FOXO3: variants seen among roughly 807,000 people sequenced by gnomAD.
FOXO3 encodes the protein forkhead box protein O3.
Under a neutral mutation model 41.9 loss-of-function variants are expected in FOXO3, and 4 were observed. The ratio of observed to expected loss-of-function variants is 0.10; its 90% CI spans 0.05 to 0.22. The LOEUF (loss-of-function observed/expected upper bound fraction) is 0.22, where lower values mean the gene tolerates loss of function less well. Among genes scored for constraint, FOXO3 ranks in the 10% least tolerant of loss-of-function variants. The pLI, the probability that FOXO3 is intolerant of heterozygous loss-of-function variation, is 1.00. For missense variants in FOXO3, 534 were observed against 906.8 expected (o/e 0.59, Z 5.28); for synonymous variants, 318 against 389.3 (o/e 0.82, Z 2.16).
intron 1 of FOXO3, among the ~76,000 whole-genome samples, chr6:108,660,085 G>A (rs1299571251): frequency 3.3e-5 from 5 of 152,178 alleles, no homozygotes; most frequent in Non-Finnish European, 7.4e-5. Context: ...TGGACAGAGT[G>A]GGAGTACTTA....
intron 1 of FOXO3, among the ~76,000 whole-genome samples, chr6:108,642,678 T>C (rs1381702610): frequency 1.3e-5 from 2 of 152,152 alleles, no homozygotes; most frequent in Non-Finnish European, 2.9e-5. Context: ...GTTCGGCAGC[T>C]CTCATCCAAT....
chr6:108,655,731 G>T (rs947618035), intron 1 of FOXO3, among the ~76,000 whole-genome samples: 1 of 152,142 alleles, frequency 6.6e-6, no homozygotes, highest in East Asian at 1.9e-4. Context: ...CGCCCACCCG[G>T]GCCTGCTCCT....
intron 1 of FOXO3, among the ~76,000 whole-genome samples, chr6:108,625,459 G>A (rs1318426483): frequency 6.6e-6 from 1 of 152,116 alleles, no homozygotes; most frequent in Non-Finnish European, 1.5e-5. Flanking sequence ...ACAGTTAAAG[G>A]TGCATTCACA....
Position 108,663,841 on chromosome 6 carries a change from C to G in FOXO3, c.1008C>G (p.Val336=). 3 of 1,613,852 alleles carry G rather than the reference C, an allele frequency of 1.9e-6. No homozygotes were observed. The highest frequency in any genetic ancestry group is 2.5e-6 in the Non-Finnish European group (3 of 1,179,784). Residue 336 remains valine, a synonymous_variant, in exon 2 of 3, where the codon GTC becomes GTG. Coordinates refer to ENST00000406360, the MANE Select transcript of FOXO3 (RefSeq NM_001455.4). ...TGGCAAGCACAGAGTTGGATGAAGT[C>G]CAGGACGATGATGCGCCTCTCTCGC... The part of the protein sequence containing the change: ...PIMASTELDE[V]QDDDAPLSPM...
At chr6:108,658,908 A>G (rs761531014) in intron 1 of FOXO3, among the ~76,000 whole-genome samples, 2 of 148,170 alleles carry the variant, frequency 1.3e-5, no homozygotes, top group Non-Finnish European at 3.0e-5. Flanking sequence ...TTTTTGAGAT[A>G]GGGCTGTGCT....
intron 2 of FOXO3, among the ~76,000 whole-genome samples, chr6:108,666,575 C>T (rs976894815): frequency 2.0e-5 from 3 of 151,736 alleles, no homozygotes; most frequent in Non-Finnish European, 4.4e-5. Context: ...GATCTCCTGA[C>T]CTTGTGATCC....
chr6:108,613,614 C>T (rs1777420186), intron 1 of FOXO3, among the ~76,000 whole-genome samples: 1 of 151,988 alleles, frequency 6.6e-6, no homozygotes, highest in Non-Finnish European at 1.5e-5. Flanking sequence ...GTCTTAACTC[C>T]CTTTCCCCCT....
chr6:108,637,121 T>C (rs1426132375), intron 1 of FOXO3, among the ~76,000 whole-genome samples: 2 of 152,218 alleles, frequency 1.3e-5, no homozygotes, highest in Non-Finnish European at 2.9e-5. Context: ...TTTCCGCAGC[T>C]GTGAAAGAAA....
chr6:108,664,864 T>G lies in FOXO3; in HGVS notation c.*9T>G. The G allele has an allele frequency of 6.3e-7, 1 of 1,591,168 alleles. No individual in the cohort carries two copies. Among genetic ancestry groups the G allele is most frequent in the South Asian group, 1.2e-5 (1 of 86,660 alleles). ...GCTGGGTGCCAGGCTGAAGGATCACTGAGGAAGGGGAAGTGGGCAAAGCAG... is the reference window on the plus strand; with the variant it reads ...GCTGGGTGCCAGGCTGAAGGATCACGGAGGAAGGGGAAGTGGGCAAAGCAG... On this transcript the variant is annotated 3_prime_UTR_variant, in exon 2 of 3. Coordinates refer to ENST00000406360, the MANE Select transcript of FOXO3 (RefSeq NM_001455.4).
chr6:108,618,429 T>C (rs563235661), intron 1 of FOXO3: 64 of 461,758 alleles, frequency 1.4e-4, no homozygotes, highest in African/African-American at 1.2e-3. Context: ...CTTCATTGAG[T>C]GCTAGATTTT....
At chr6:108,679,073 A>T (rs9320265) in intron 2 of FOXO3, among the ~76,000 whole-genome samples, 1 of 151,026 alleles carries the variant, frequency 6.6e-6, no homozygotes, top group Non-Finnish European at 1.5e-5. Context: ...GGGTTTCACC[A>T]TGTTAGCCAG....
chr6:108,611,033 C>T (rs1158895462), intron 1 of FOXO3, among the ~76,000 whole-genome samples: 2 of 152,142 alleles, frequency 1.3e-5, no homozygotes, highest in Non-Finnish European at 1.5e-5. Context: ...TCTCCCTCCC[C>T]CTACCCACCC....
intron 1 of FOXO3, among the ~76,000 whole-genome samples, chr6:108,638,779 A>G (rs908824478): frequency 3.3e-5 from 5 of 152,174 alleles, no homozygotes; most frequent in South Asian, 2.1e-4. Flanking sequence ...ATAAGACCCA[A>G]CACAACAAGG....
intron 1 of FOXO3, among the ~76,000 whole-genome samples, chr6:108,614,215 G>A (rs1439882447): frequency 6.6e-6 from 1 of 152,036 alleles, no homozygotes; most frequent in East Asian, 1.9e-4. Context: ...TGTGAATTAG[G>A]TCAAGTTAGT....
At chr6:108,661,291 A>G (rs756569760) in intron 1 of FOXO3, among the ~76,000 whole-genome samples, 23 of 152,130 alleles carry the variant, frequency 1.5e-4, no homozygotes, top group Non-Finnish European at 2.4e-4. Context: ...TATCTTCTAC[A>G]TGAATACAGT....
chr6:108,640,406 A>G (rs1433208241), intron 1 of FOXO3, among the ~76,000 whole-genome samples: 2 of 152,228 alleles, frequency 1.3e-5, no homozygotes, highest in African/African-American at 2.4e-5. Flanking sequence ...AGGTCACTGA[A>G]TGCTTTAACA....
In FOXO3 at chr6:108,663,559, G is replaced by A. The variant is rs760535782; in HGVS notation, c.726G>A (p.Lys242=). The change falls in exon 2 of 3, where the codon AAG becomes AAA. Residue 242 remains lysine (K), a synonymous_variant. Transcript: ENST00000406360. ...GGATCATCAACCCTGATGGGGGGAA[G>A]AGCGGAAAAGCCCCCCGGCGGCGGG... is the stretch of plus-strand genomic sequence containing the variant. ...SWWIINPDGG[K]SGKAPRRRAV... is the part of the protein sequence containing the mutation. The A allele has an allele frequency of 3.7e-6, 6 of 1,613,884 alleles. No homozygotes were observed. The highest frequency in any genetic ancestry group is 5.1e-6 in the Non-Finnish European group (6 of 1,179,774).
Position 108,591,440 on chromosome 6 carries a change from A to G in FOXO3, c.621+29611A>G, listed in dbSNP as rs73763148. Among the ~76,000 whole-genome samples, 925 of 152,054 alleles carry G rather than the reference A, an allele frequency of 6.1e-3. 5 individuals are homozygous for G. The highest frequency in any genetic ancestry group is 0.022 in the African/African-American group (894 of 41,512). On this transcript the variant is annotated intron_variant, in intron 1 of 2. Coordinates refer to ENST00000406360, the MANE Select transcript of FOXO3 (RefSeq NM_001455.4). The stretch of plus-strand genomic sequence containing the variant: ...GCAGTCCCACCTCAAGGGAAATCTC[A>G]TTACATCCTTCTGATGGTGGGGTAG...
chr6:108,581,273 G>C (rs1030570526), intron 1 of FOXO3, among the ~76,000 whole-genome samples: 1 of 152,184 alleles, frequency 6.6e-6, no homozygotes, highest in Non-Finnish European at 1.5e-5. Context: ...GAAGCAGTAG[G>C]AGGAGGCCAA....
Sources: gnomAD v4.1 joint callset for allele counts (sites outside exome capture counted in the v4.1 genomes callset) on GRCh38, gnomAD v4.1.1 for gene constraint, MANE v1.5 for transcripts, NCBI Gene and HGNC (gene_info 2026-07-23, HGNC 2026-07-21) for gene names.